The following PARD6G variants were observed in gnomAD, a reference collection of about 807,000 sequenced individuals.
PARD6G encodes par-6 family cell polarity regulator gamma, also known as partitioning defective 6 homolog gamma.
Under a neutral mutation model 10.7 loss-of-function variants are expected in PARD6G, and 7 were observed. That is an observed-to-expected ratio of 0.66 (90% CI 0.37 to 1.23). The LOEUF (loss-of-function observed/expected upper bound fraction) is 1.23. PARD6G is among the 50% of genes most tolerant of loss of function. The probability of loss-of-function intolerance (pLI) is 0.02; values close to 1 mark genes in which losing one functional copy is unlikely to be tolerated. For missense variants in PARD6G, 548 were observed against 571.8 expected, an observed-to-expected ratio of 0.96 and a Z score of 0.42; for synonymous variants, 287 against 269.4, an observed-to-expected ratio of 1.07 and a Z score of -0.64.
intron 1 of PARD6G, among the ~76,000 whole-genome samples, chr18:80,241,088 C>T (rs1967484801): frequency 6.6e-6 from 1 of 152,148 alleles, no homozygotes; most frequent in Admixed American, 6.5e-5. Flanking sequence ...AACTTCTCCC[C>T]ATAAAACACA....
At chr18:80,196,890 TAA>T (rs572719232) in intron 2 of PARD6G, among the ~76,000 whole-genome samples, 30,761 of 87,152 alleles carry the variant, frequency 0.35, 3,973 homozygotes, top group South Asian at 0.47. Flanking sequence ...TTTCTTTTAT[TAA>T]AAAAAAAAAA....
chr18:80,201,635 C>T lies in PARD6G; in HGVS notation c.295+1075G>A, dbSNP rs79980479. Reference sequence around the variant, plus strand: ...GAAGTGAGGTCAACGAGTCTCCTGCCGTTCCCTTCATCACCACAAATGGGA... The same window carrying T: ...GAAGTGAGGTCAACGAGTCTCCTGCTGTTCCCTTCATCACCACAAATGGGA... On this transcript the variant is annotated intron_variant, in intron 2 of 2. Transcript: ENST00000353265. This position sits in a 1 kb window ranked among gnomAD's most constrained non-coding sequence, Gnocchi z 5.9. 2.3e-3 allele frequency among the ~76,000 whole-genome samples: 354 copies of T among 152,330 alleles called. 7 individuals are homozygous for T. In the East Asian group the frequency reaches 0.039, roughly 17 times the overall value.
At chr18:80,241,424 T>C (rs80154155) in intron 1 of PARD6G, among the ~76,000 whole-genome samples, 2 of 152,174 alleles carry the variant, frequency 1.3e-5, no homozygotes, top group East Asian at 3.8e-4. Flanking sequence ...CGTTACAGTA[T>C]TGAGATGGGC....
intron 1 of PARD6G, among the ~76,000 whole-genome samples, chr18:80,239,310 G>C (rs1285247878): frequency 2.6e-5 from 4 of 152,128 alleles, no homozygotes; most frequent in Non-Finnish European, 4.4e-5. Flanking sequence ...TGGAGCACTT[G>C]AGTGTGCCCA....
chr18:80,228,387 C>T lies in PARD6G; in HGVS notation c.72+18890G>A, dbSNP rs1408305458. Among the ~76,000 whole-genome samples, 1 of 152,104 alleles carries T rather than the reference C, an allele frequency of 6.6e-6. No homozygotes were observed. The highest frequency in any genetic ancestry group is 2.4e-5 in the African/African-American group (1 of 41,422). ...CATGCACAAGGCCACCCAGGTCCCT[C>T]TACATTGACCCCCAGCCTCCTCAAT... is the stretch of plus-strand genomic sequence containing the variant. On this transcript the variant is annotated intron_variant, in intron 1 of 2. Transcript: ENST00000353265. This position sits in a 1 kb window ranked among gnomAD's most constrained non-coding sequence, Gnocchi z 4.6.
rs1467423820 is a variant in PARD6G, at chr18:80,189,282, A to AGATC, written c.295+13424_295+13427dup. On this transcript the variant is annotated intron_variant, in intron 2 of 2. Transcript: ENST00000353265. The surrounding 1 kb of genome is among the most constrained non-coding windows in gnomAD (Gnocchi z 5.5). ...CCGTTTTCTTCTTTCTTTTTAAAGGAGATCACAGAAGGCCAACAAAGAGGC... is the reference window on the plus strand; with the variant it reads ...CCGTTTTCTTCTTTCTTTTTAAAGGAGATCGATCACAGAAGGCCAACAAAGAGGC... 1.3e-5 allele frequency: 2 copies of AGATC among 152,218 alleles called. No homozygotes were observed. The highest frequency in any genetic ancestry group is 4.8e-5 in the African/African-American group (2 of 41,452). The allele number at this position is 152,218 out of a possible 1,614,324, so 9.4% of individuals were successfully genotyped here. A position where few individuals can be genotyped will look rare whatever the true frequency, so the allele number is the denominator to read the frequency against.
In PARD6G at chr18:80,159,756, G is replaced by T; in HGVS notation, c.*15C>A. The T allele has an allele frequency of 7.2e-7, 1 of 1,385,582 alleles. No individual in the cohort carries two copies. The highest frequency in any genetic ancestry group is 9.3e-7 in the Non-Finnish European group (1 of 1,070,184). The allele number at this position is 1,385,582 out of a possible 1,614,324, so 85.8% of individuals were successfully genotyped here. ...CCGGGGAACTGGAGCTAGGATTTGG[G>T]GGCCTCTCGGGAGTCTAGAGCGTGA... On this transcript the variant is annotated 3_prime_UTR_variant, in exon 3 of 3. Transcript: ENST00000353265.
intron 2 of PARD6G, among the ~76,000 whole-genome samples, chr18:80,172,600 G>A (rs887505219): frequency 2.6e-5 from 4 of 152,144 alleles, no homozygotes; most frequent in African/African-American, 9.7e-5. Flanking sequence ...GGCCAGGCTG[G>A]TCTTGAACTC....
chr18:80,204,146 C>T (rs763794364), intron 1 of PARD6G, among the ~76,000 whole-genome samples: 6 of 152,096 alleles, frequency 3.9e-5, no homozygotes, highest in Non-Finnish European at 7.4e-5. Context: ...CTCGGCAATT[C>T]GGGATCTTTA....
At chr18:80,213,318 G>A (rs904378858) in intron 1 of PARD6G, among the ~76,000 whole-genome samples, 1 of 152,170 alleles carries the variant, frequency 6.6e-6, no homozygotes, top group South Asian at 2.1e-4. Flanking sequence ...GCAGGGCTTT[G>A]TGCATGGCCA....
chr18:80,203,797 AT>A (rs1967031670), intron 1 of PARD6G, among the ~76,000 whole-genome samples: 1 of 152,172 alleles, frequency 6.6e-6, no homozygotes, highest in Non-Finnish European at 1.5e-5. Flanking sequence ...TCTTCATTTG[AT>A]TTGTACTTTA....
chr18:80,216,756 A>C (rs2145291005), intron 1 of PARD6G, among the ~76,000 whole-genome samples: 1 of 152,296 alleles, frequency 6.6e-6, no homozygotes, highest in Non-Finnish European at 1.5e-5. Context: ...AGTAGAAAAT[A>C]ATAGCGGTTA....
chr18:80,179,513 C>T (rs1281851451), intron 2 of PARD6G, among the ~76,000 whole-genome samples: 7 of 152,246 alleles, frequency 4.6e-5, no homozygotes, highest in African/African-American at 1.7e-4. Flanking sequence ...ATGCCACTGC[C>T]TCCCCCCACC....
chr18:80,216,882 T>C (rs764859083), intron 1 of PARD6G, among the ~76,000 whole-genome samples: 9 of 152,036 alleles, frequency 5.9e-5, no homozygotes, highest in Non-Finnish European at 1.0e-4. Context: ...AAGAAAATAA[T>C]GAGAGAAGAT....
At position 80,201,071 on chromosome 18, in the gene PARD6G, C is replaced by T. The variant is rs1967003081; in HGVS notation, c.295+1639G>A. ...GTGACCTGGGATGGCAGGGGCACAG[C>T]CAGGAACACACCCCCACCCTACGCT... On this transcript the variant is annotated intron_variant, in intron 2 of 2. Transcript: ENST00000353265. The surrounding 1 kb of genome is among the most constrained non-coding windows in gnomAD (Gnocchi z 5.9). Among the ~76,000 whole-genome samples, 1 of 152,242 alleles carries T rather than the reference C, an allele frequency of 6.6e-6. No homozygotes were observed. Among genetic ancestry groups the T allele is most frequent in the East Asian group, 1.9e-4 (1 of 5,178 alleles).
At chr18:80,218,007 G>A (rs916782994) in intron 1 of PARD6G, among the ~76,000 whole-genome samples, 1 of 152,068 alleles carries the variant, frequency 6.6e-6, no homozygotes. Context: ...GGAGGTAACT[G>A]CTCCTATGAT....
At position 80,247,005 on chromosome 18, in the gene PARD6G, T is replaced by A. The variant is rs988232078; in HGVS notation, c.72+272A>T. Reference sequence around the variant, plus strand: ...CTCACTCGTGGAACAAAAGAGCAGCTCCCGCGGAGCGGGTCCAGAGTCTGC... The same window carrying A: ...CTCACTCGTGGAACAAAAGAGCAGCACCCGCGGAGCGGGTCCAGAGTCTGC... On this transcript the variant is annotated intron_variant, in intron 1 of 2. Transcript: ENST00000353265. The surrounding 1 kb of genome is among the most constrained non-coding windows in gnomAD (Gnocchi z 4.2). 2.4e-4 allele frequency among the ~76,000 whole-genome samples: 36 copies of A among 152,056 alleles called. No individual in the cohort carries two copies. The highest frequency in any genetic ancestry group is 3.9e-4 in the East Asian group (2 of 5,090).
intron 2 of PARD6G, among the ~76,000 whole-genome samples, chr18:80,179,056 C>T (rs1469133504): frequency 1.3e-5 from 2 of 152,134 alleles, no homozygotes; most frequent in African/African-American, 2.4e-5. Context: ...TCCGAGGCCA[C>T]GAAGAGGAGG....
intron 1 of PARD6G, among the ~76,000 whole-genome samples, chr18:80,208,017 G>A (rs544819098): frequency 3.9e-4 from 59 of 151,216 alleles, no homozygotes; most frequent in Non-Finnish European, 7.6e-4. Flanking sequence ...TAAAATGCAT[G>A]ATAGTGGTAT....
Sources: gnomAD v4.1 joint callset for allele counts (sites outside exome capture counted in the v4.1 genomes callset) on GRCh38, gnomAD v4.1.1 for gene constraint, Gnocchi (gnomAD v3.1) non-coding constraint, MANE v1.5 for transcripts, NCBI Gene and HGNC (gene_info 2026-07-23, HGNC 2026-07-21) for gene names.